ZNRF1: variants seen among roughly 807,000 people sequenced by gnomAD.
ZNRF1 encodes the protein E3 ubiquitin-protein ligase ZNRF1.
ZNRF1 carries 3 observed loss-of-function variants against 18.4 expected under a neutral mutation model. The observed-to-expected ratio is 0.16, with a 90% CI of 0.07 to 0.42. The LOEUF (loss-of-function observed/expected upper bound fraction) is 0.42. Among genes scored for constraint, ZNRF1 ranks in the 10% least tolerant of loss-of-function variants. The probability of loss-of-function intolerance (pLI) is 0.99; values close to 1 mark genes in which losing one functional copy is unlikely to be tolerated. For synonymous variants in ZNRF1, 157 were observed against 144.2 expected, an observed-to-expected ratio of 1.09 and a Z score of -0.64; for missense variants, 310 against 329.8, an observed-to-expected ratio of 0.94 and a Z score of 0.47.
chr16:75,040,462 C>G lies in ZNRF1; in HGVS notation c.424+40367C>G, dbSNP rs555197407. ...TCCTATGCCTGTTTTTAGTCAATCT[C>G]TGCTCCCCACCGGGCAACTGCTATC... On this transcript the variant is annotated intron_variant, in intron 1 of 4. Transcript: ENST00000335325. Among the ~76,000 whole-genome samples, 12 of 151,986 alleles carry G rather than the reference C, an allele frequency of 7.9e-5. No individual in the cohort carries two copies. The East Asian group carries it at 2.1e-3, about 27-fold the overall frequency.
At chr16:75,069,453 G>C (rs1303040568) in intron 1 of ZNRF1, among the ~76,000 whole-genome samples, 1 of 152,028 alleles carries the variant, frequency 6.6e-6, no homozygotes, top group Non-Finnish European at 1.5e-5. Flanking sequence ...TTGCTCTATT[G>C]CCCAGGCTGG....
chr16:75,052,128 G>A (rs1260476470), intron 1 of ZNRF1, among the ~76,000 whole-genome samples: 1 of 152,170 alleles, frequency 6.6e-6, no homozygotes, highest in African/African-American at 2.4e-5. Flanking sequence ...CCCGGGCGTG[G>A]TGGCTCACGC....
intron 1 of ZNRF1, among the ~76,000 whole-genome samples, chr16:75,048,176 C>A (rs1022504016): frequency 6.6e-6 from 1 of 152,136 alleles, no homozygotes; most frequent in Non-Finnish European, 1.5e-5. Context: ...ATCTCAAACT[C>A]CTGGACTCAA....
chr16:75,019,331 T>A (rs757446537), intron 1 of ZNRF1, among the ~76,000 whole-genome samples: 25 of 151,970 alleles, frequency 1.6e-4, no homozygotes, highest in Non-Finnish European at 5.9e-5. Flanking sequence ...TGAGTCACCA[T>A]GCCTGGACAA....
chr16:75,084,519 A>G (rs191655355), intron 1 of ZNRF1: 5 of 152,322 alleles, frequency 3.3e-5, no homozygotes, highest in Admixed American at 1.3e-4. Context: ...CCTATTTACA[A>G]CACCAAGAAG....
intron 1 of ZNRF1, among the ~76,000 whole-genome samples, chr16:75,073,639 TC>T (rs1454605058): frequency 6.6e-6 from 1 of 152,170 alleles, no homozygotes; most frequent in African/African-American, 2.4e-5. Context: ...TTTCTTTTTT[TC>T]TCTCAGCACT....
At chr16:75,035,515 A>G (rs2145355488) in intron 1 of ZNRF1, among the ~76,000 whole-genome samples, 1 of 152,328 alleles carries the variant, frequency 6.6e-6, no homozygotes. Flanking sequence ...ACTGAGGAGC[A>G]TAGGCAGAAG....
At position 75,000,562 on chromosome 16, in the gene ZNRF1, C is replaced by T. The variant is rs141560058; in HGVS notation, c.424+467C>T. On this transcript the variant is annotated intron_variant, in intron 1 of 4. Coordinates refer to ENST00000335325, the MANE Select transcript of ZNRF1 (RefSeq NM_032268.5). ...GGCAAGTGATGCCTGGATTAGGGCT[C>T]TCACTCTTGCTGGGAGAGAGAGGTG... 2.1e-3 allele frequency among the ~76,000 whole-genome samples: 320 copies of T among 152,344 alleles called. 3 individuals carry two copies. The highest frequency in any genetic ancestry group is 0.016 in the Admixed American group (252 of 15,308).
chr16:75,047,395 A>G (rs1348852514), intron 1 of ZNRF1, among the ~76,000 whole-genome samples: 1 of 151,910 alleles, frequency 6.6e-6, no homozygotes, highest in East Asian at 1.9e-4. Context: ...CTGGTCTTGA[A>G]CTCCTGGCTA....
chr16:75,034,289 A>G (rs577479666), intron 1 of ZNRF1, among the ~76,000 whole-genome samples: 1 of 152,322 alleles, frequency 6.6e-6, no homozygotes, highest in South Asian at 2.1e-4. Flanking sequence ...TGTACCCATT[A>G]AACAACTGCT....
intron 2 of ZNRF1, among the ~76,000 whole-genome samples, chr16:75,099,015 C>G (rs897912498): frequency 2.6e-5 from 4 of 152,152 alleles, no homozygotes; most frequent in African/African-American, 9.7e-5. Context: ...CCTCCATCCA[C>G]CTTGGGTCCT....
intron 3 of ZNRF1, 101 bp downstream of exon 3, chr16:75,104,990 C>T (rs1318672213): frequency 1.0e-6 from 1 of 962,338 alleles, no homozygotes; most frequent in Non-Finnish European, 1.6e-6. Flanking sequence ...GATGACCTCT[C>T]CCCCGACCTC....
At chr16:75,024,840 A>G (rs1057116846) in intron 1 of ZNRF1, among the ~76,000 whole-genome samples, 5 of 152,252 alleles carry the variant, frequency 3.3e-5, no homozygotes, top group African/African-American at 1.2e-4. Flanking sequence ...AATAATCAGA[A>G]TATTCACTGT....
intron 1 of ZNRF1, among the ~76,000 whole-genome samples, chr16:75,081,112 G>C (rs1459133159): frequency 6.6e-6 from 1 of 152,188 alleles, no homozygotes; most frequent in Non-Finnish European, 1.5e-5. Context: ...GGCGGAGCTT[G>C]CAGTGAGCCG....
intron 1 of ZNRF1, among the ~76,000 whole-genome samples, chr16:75,028,113 G>A (rs961367170): frequency 6.6e-6 from 1 of 152,084 alleles, no homozygotes; most frequent in Non-Finnish European, 1.5e-5. Context: ...CACTTCCTGA[G>A]TCCATCCAGA....
intron 1 of ZNRF1, chr16:75,000,458 A>T (rs1017937286): frequency 7.5e-5 from 32 of 424,784 alleles, no homozygotes; most frequent in African/African-American, 5.0e-4. Flanking sequence ...TGCCTGCCTC[A>T]CCGGTAACGG....
chr16:75,043,790 CT>C (rs59324869), intron 1 of ZNRF1, among the ~76,000 whole-genome samples: 20 of 75,172 alleles, frequency 2.7e-4, no homozygotes, highest in African/African-American at 2.7e-4. Context: ...TTGCTTTGTA[CT>C]TTTTTTTTTT....
chr16:75,036,131 A>C (rs2035373209), intron 1 of ZNRF1, among the ~76,000 whole-genome samples: 1 of 152,020 alleles, frequency 6.6e-6, no homozygotes, highest in African/African-American at 2.4e-5. Context: ...TACCTCCTAT[A>C]ACAATCTCAG....
At chr16:75,060,085 ACT>A (rs1001985496) in intron 1 of ZNRF1, among the ~76,000 whole-genome samples, 14 of 151,446 alleles carry the variant, frequency 9.2e-5, no homozygotes, top group Admixed American at 9.2e-4. Flanking sequence ...GGCGAGTCTC[ACT>A]CTCTTGCCCA....
Sources: gnomAD v4.1 joint callset for allele counts (sites outside exome capture counted in the v4.1 genomes callset) on GRCh38, gnomAD v4.1.1 for gene constraint, MANE v1.5 for transcripts, NCBI Gene and HGNC (gene_info 2026-07-23, HGNC 2026-07-21) for gene names.